Variants in BTNL8 observed in about 807,000 individuals in gnomAD.
BTNL8 encodes butyrophilin like 8.
In BTNL8, 22 loss-of-function variants were observed where a neutral mutation model predicts 36.1. The ratio of observed to expected loss-of-function variants is 0.61; its 90% CI spans 0.44 to 0.87. The LOEUF (loss-of-function observed/expected upper bound fraction) is 0.87, where lower values mean the gene tolerates loss of function less well. BTNL8 is among the 40% of genes least tolerant of loss of function. The probability of loss-of-function intolerance (pLI) is 0.00; values close to 1 mark genes in which losing one functional copy is unlikely to be tolerated. For synonymous variants in BTNL8, 203 were observed against 235.6 expected, an observed-to-expected ratio of 0.86 and a Z score of 1.27; for missense variants, 526 against 616.9, an observed-to-expected ratio of 0.85 and a Z score of 1.56.
At chr5:180,925,157 C>T (rs1281994999) in intron 3 of BTNL8, among the ~76,000 whole-genome samples, 1 of 152,074 alleles carries the variant, frequency 6.6e-6, no homozygotes, top group East Asian at 1.9e-4. Context: ...AATTATTGGA[C>T]ACCATTAAGT....
chr5:180,937,278 C>T (rs1484599178), intron 3 of BTNL8, among the ~76,000 whole-genome samples: 1 of 152,208 alleles, frequency 6.6e-6, no homozygotes, highest in Admixed American at 6.5e-5. Flanking sequence ...GTTTGGTGTG[C>T]ACTGCCCTTG....
chr5:180,914,396 T>C (rs1194931741), intron 3 of BTNL8, among the ~76,000 whole-genome samples: 1 of 152,198 alleles, frequency 6.6e-6, no homozygotes, highest in Admixed American at 6.5e-5. Context: ...CTATGAGAAA[T>C]ACATTTCTAT....
In BTNL8 at chr5:180,899,180, C is replaced by G; in HGVS notation, c.-131C>G. 1 of 1,038,572 alleles carries G rather than the reference C, an allele frequency of 9.6e-7. No homozygotes were observed. Among genetic ancestry groups the G allele is most frequent in the South Asian group, 1.4e-5 (1 of 71,904 alleles). 64.3% of individuals were successfully genotyped at this position (1,038,572 alleles called of 1,614,324 possible). ...TCTCAGAACAGCGCAGTTTGCCCTCCGCTCACGCAGAGCCTCTCCGTGGCT... is the reference window on the plus strand; with the variant it reads ...TCTCAGAACAGCGCAGTTTGCCCTCGGCTCACGCAGAGCCTCTCCGTGGCT... On this transcript the variant is annotated 5_prime_UTR_variant, in exon 1 of 8. Coordinates refer to ENST00000340184, the MANE Select transcript of BTNL8 (RefSeq NM_001040462.3).
At chr5:180,927,216 A>G (rs1758145482) in intron 3 of BTNL8, among the ~76,000 whole-genome samples, 1 of 152,198 alleles carries the variant, frequency 6.6e-6, no homozygotes, top group African/African-American at 2.4e-5. Flanking sequence ...ACTTCAGCAG[A>G]CCTGCAGCAG....
rs762655217 is a variant in BTNL8 at position 180,908,707 on chromosome 5, G to A, written c.171G>A (p.Arg57=). The change falls in exon 2 of 8, where the codon AGG becomes AGA. Residue 57 remains arginine, a synonymous_variant. Coordinates refer to ENST00000340184, the MANE Select transcript of BTNL8 (RefSeq NM_001040462.3). The stretch of plus-strand genomic sequence containing the variant: ...AGGCCATGGAAGTGCGGTTCTTCAG[G>A]GGCCAGTTCTCTAGCGTGGTCCACC... The part of the protein sequence containing the change: ...NAEAMEVRFF[R]GQFSSVVHLY... 2 of 1,614,208 alleles carry A rather than the reference G, an allele frequency of 1.2e-6. No homozygotes were observed. The highest frequency in any genetic ancestry group is 1.7e-6 in the Non-Finnish European group (2 of 1,180,036).
intron 3 of BTNL8, among the ~76,000 whole-genome samples, chr5:180,917,702 G>A (rs192160502): frequency 2.6e-5 from 4 of 152,280 alleles, no homozygotes; most frequent in Admixed American, 2.6e-4. Flanking sequence ...TGGCTCTGCT[G>A]GTGAATTCTG....
intron 3 of BTNL8, among the ~76,000 whole-genome samples, chr5:180,934,402 GGCTTGTTCTGCCC>G (rs1344951856): frequency 2.0e-4 from 30 of 152,308 alleles, no homozygotes; most frequent in Middle Eastern, 3.4e-3. Flanking sequence ...AGGCCCATTG[GGCTTGTTCTGCCC>G]CCTTGGCCTT....
intron 3 of BTNL8, among the ~76,000 whole-genome samples, chr5:180,912,191 G>A (rs568226820): frequency 3.3e-5 from 5 of 152,210 alleles, no homozygotes; most frequent in South Asian, 2.1e-4. Flanking sequence ...TTGAGCCTGC[G>A]GACTTTTGGA....
At chr5:180,914,734 C>T (rs1224406065) in intron 3 of BTNL8, among the ~76,000 whole-genome samples, 3 of 152,176 alleles carry the variant, frequency 2.0e-5, no homozygotes, top group Non-Finnish European at 2.9e-5. Context: ...CAAACTCCCA[C>T]AGAAACACTA....
intron 3 of BTNL8, among the ~76,000 whole-genome samples, chr5:180,937,026 C>T (rs1758683108): frequency 6.6e-6 from 1 of 152,182 alleles, no homozygotes; most frequent in African/African-American, 2.4e-5. Flanking sequence ...GCTGCCATGA[C>T]TTCATATCCT....
At chr5:180,909,011 T>A in intron 2 of BTNL8, 78 bp downstream of exon 2, 2 of 1,426,564 alleles carry the variant, frequency 1.4e-6, no homozygotes, top group Non-Finnish European at 1.9e-6. Flanking sequence ...AATAAGGAAA[T>A]TTTAAAATTT....
chr5:180,911,262 T>A (rs2113782933), intron 2 of BTNL8, 77 bp from the exon 3 acceptor site: 1 of 1,566,890 alleles, frequency 6.4e-7, no homozygotes, highest in Non-Finnish European at 8.7e-7. Context: ...GGGGGTGGAC[T>A]GAATGCACCT....
intron 1 of BTNL8, chr5:180,902,361 G>A (rs554016526): frequency 9.0e-6 from 14 of 1,550,780 alleles, no homozygotes; most frequent in African/African-American, 2.7e-5. Context: ...CCTCAAGATC[G>A]AATGAAGTAA....
In BTNL8 at chr5:180,899,575, G is replaced by T. The variant is rs113292119; in HGVS notation, c.49+216G>T. On this transcript the variant is annotated intron_variant, in intron 1 of 7. Transcript: ENST00000340184. ...TTGAAGACGCACCGTGATCGTTGAC[G>T]GGGACACACCTAACGTGTTAAGGTG... 1.4e-4 allele frequency among the ~76,000 whole-genome samples: 21 copies of T among 152,238 alleles called. No homozygotes were observed. The East Asian group carries it at 4.0e-3, about 29-fold the overall frequency.
rs138352706 is a variant in BTNL8 at position 180,909,276 on chromosome 5, C to T, written c.397+343C>T. 2.0e-3 allele frequency among the ~76,000 whole-genome samples: 309 copies of T among 152,326 alleles called. 2 individuals carry two copies. Among genetic ancestry groups the T allele is most frequent in the African/African-American group, 7.2e-3 (299 of 41,572 alleles). On this transcript the variant is annotated intron_variant, in intron 2 of 7. Coordinates refer to ENST00000340184, the MANE Select transcript of BTNL8 (RefSeq NM_001040462.3). The stretch of plus-strand genomic sequence containing the variant: ...GAATGTTACATACACAGCTTCACAC[C>T]GCAGGTGACCTTTTGAGATTGACTT...
chr5:180,908,365 C>T (rs1028837563), intron 1 of BTNL8, among the ~76,000 whole-genome samples: 17 of 152,304 alleles, frequency 1.1e-4, no homozygotes, highest in African/African-American at 3.6e-4. Context: ...CGCCCTGCTT[C>T]GGCTCGTGCA....
chr5:180,932,595 C>T (rs546475995), intron 3 of BTNL8, among the ~76,000 whole-genome samples: 5 of 152,216 alleles, frequency 3.3e-5, no homozygotes, highest in Middle Eastern at 3.4e-3. Context: ...GTGATCCGCC[C>T]GCCTCGGCCT....
In BTNL8 at chr5:180,908,925, A is replaced by C. The variant is rs1295059777; in HGVS notation, c.389A>C (p.Gln130Pro). 6 of 1,611,994 alleles carry C rather than the reference A, an allele frequency of 3.7e-6. No individual in the cohort carries two copies. In the East Asian group the frequency reaches 1.3e-4, roughly 36 times the overall value. The change falls in exon 2 of 8, where the codon CAG becomes CCG. Residue 130 changes from glutamine (Q) to proline (P), a missense_variant. Around this residue, in one of 2 missense-constraint regions of BTNL8, gnomAD observed 350 missense variants for 324.6 expected, o/e 1.08. Transcript: ENST00000340184. The part of the protein sequence containing the change: ...SYYQKAIWEL[Q>P]VSALGSVPLI... ...TACCAGAAGGCCATCTGGGAGCTAC[A>C]GGTGTCAGGTCAGTTTCATATTTCA... is the stretch of plus-strand genomic sequence containing the variant.
At chr5:180,901,634 G>A (rs946146560) in intron 1 of BTNL8, among the ~76,000 whole-genome samples, 2 of 152,178 alleles carry the variant, frequency 1.3e-5, no homozygotes, top group African/African-American at 4.8e-5. Context: ...AGAGCCAAGA[G>A]CTGTGCAGGG....
Sources: gnomAD v4.1 joint callset for allele counts (sites outside exome capture counted in the v4.1 genomes callset) on GRCh38, gnomAD v4.1.1 for gene constraint, gnomAD v4.1.1 regional missense constraint, MANE v1.5 for transcripts, NCBI Gene and HGNC (gene_info 2026-07-23, HGNC 2026-07-21) for gene names.